KHDRBS2: variants seen among roughly 807,000 people sequenced by gnomAD.
KHDRBS2 encodes KH domain-containing, RNA-binding, signal transduction-associated protein 2.
A neutral mutation model predicts 44.3 loss-of-function variants in KHDRBS2; 26 were observed. The ratio of observed to expected loss-of-function variants is 0.59; its 90% CI spans 0.43 to 0.81. The LOEUF is 0.81. Among genes scored for constraint, KHDRBS2 ranks in the 40% least tolerant of loss-of-function variants. The pLI, the probability that KHDRBS2 is intolerant of heterozygous loss-of-function variation, is 0.00. For missense variants in KHDRBS2, 476 were observed against 433.1 expected, an observed-to-expected ratio of 1.10 and a Z score of -0.88; for synonymous variants, 194 against 151.1, an observed-to-expected ratio of 1.28 and a Z score of -2.08.
the KHDRBS2 span, among the ~76,000 whole-genome samples, chr6:61,563,293 T>C: frequency 6.6e-6 from 1 of 152,132 alleles, no homozygotes. Flanking sequence ...TATGCAAATA[T>C]GAGGTCCTTG....
chr6:62,126,824 T>A (rs1220160470), intron 2 of KHDRBS2, among the ~76,000 whole-genome samples: 3 of 152,230 alleles, frequency 2.0e-5, no homozygotes, highest in African/African-American at 7.2e-5. Context: ...AATAGTTATT[T>A]ATTCAGAAAG....
intron 7 of KHDRBS2, among the ~76,000 whole-genome samples, chr6:61,711,781 T>G (rs189160094): frequency 6.6e-6 from 1 of 151,772 alleles, no homozygotes; most frequent in East Asian, 1.9e-4. Flanking sequence ...AGATATTTGG[T>G]GAAATGGGAA....
At chr6:61,993,730 T>A (rs1445931443) in intron 3 of KHDRBS2, among the ~76,000 whole-genome samples, 3 of 145,958 alleles carry the variant, frequency 2.1e-5, no homozygotes, top group Admixed American at 7.1e-5. Context: ...GTGCTAACAT[T>A]GCTATAGCTC....
intron 2 of KHDRBS2, among the ~76,000 whole-genome samples, chr6:62,099,668 T>C (rs181298278): frequency 4.9e-4 from 74 of 152,266 alleles, no homozygotes; most frequent in Admixed American, 2.5e-3. Context: ...TGCTGTCTCC[T>C]TCACTCAAGC....
At chr6:62,056,374 C>A (rs1002493599) in intron 2 of KHDRBS2, among the ~76,000 whole-genome samples, 1 of 151,902 alleles carries the variant, frequency 6.6e-6, no homozygotes, top group African/African-American at 2.4e-5. Context: ...ACTATGAACA[C>A]ATGCCTATGT....
chr6:61,980,689 T>C (rs1395373482), intron 3 of KHDRBS2, among the ~76,000 whole-genome samples: 2 of 152,144 alleles, frequency 1.3e-5, no homozygotes, highest in East Asian at 3.9e-4. Flanking sequence ...AATTTCCAAA[T>C]TCCTACCACT....
intron 6 of KHDRBS2, among the ~76,000 whole-genome samples, chr6:61,773,549 T>A (rs939132939): frequency 6.6e-6 from 1 of 150,970 alleles, no homozygotes; most frequent in Admixed American, 6.6e-5. Flanking sequence ...ATTAGCCCTT[T>A]GTCAGAAGAG....
intron 4 of KHDRBS2, among the ~76,000 whole-genome samples, chr6:61,955,185 C>T (rs114780804): frequency 0.03 from 4,241 of 140,860 alleles, 220 homozygotes; most frequent in African/African-American, 0.1. Flanking sequence ...TATACACATA[C>T]GTTTGTATGT....
At chr6:61,969,679 A>C (rs796648171) in intron 4 of KHDRBS2, among the ~76,000 whole-genome samples, 8 of 152,170 alleles carry the variant, frequency 5.3e-5, no homozygotes, top group African/African-American at 1.9e-4. Flanking sequence ...ACAGAAGAGG[A>C]TTAAAATGTA....
the KHDRBS2 span, among the ~76,000 whole-genome samples, chr6:61,560,645 A>G: frequency 0.21 from 32,186 of 152,030 alleles, 3,680 homozygotes; most frequent in East Asian, 0.29. Context: ...AGATCAAGAA[A>G]TTCTGCTTGA....
intron 3 of KHDRBS2, among the ~76,000 whole-genome samples, chr6:61,981,023 C>T (rs182936526): frequency 1.1e-4 from 16 of 152,218 alleles, no homozygotes; most frequent in South Asian, 8.3e-4. Context: ...ATACATATAG[C>T]TTTTCCCCCA....
At chr6:61,925,343 G>T (rs1808756210) in intron 4 of KHDRBS2, among the ~76,000 whole-genome samples, 1 of 152,158 alleles carries the variant, frequency 6.6e-6, no homozygotes, top group Non-Finnish European at 1.5e-5. Context: ...GAGATGTAGA[G>T]ATGTTAAGGA....
chr6:61,944,948 G>A (rs368843444), intron 4 of KHDRBS2, among the ~76,000 whole-genome samples: 9 of 150,718 alleles, frequency 6.0e-5, no homozygotes, highest in East Asian at 3.9e-4. Flanking sequence ...AAAATAAGCC[G>A]GGTGTGGTGA....
the KHDRBS2 span, among the ~76,000 whole-genome samples, chr6:61,557,593 T>C: frequency 1.3e-5 from 2 of 152,216 alleles, no homozygotes; most frequent in Non-Finnish European, 2.9e-5. Flanking sequence ...TGTAGTTTTC[T>C]TTTTTTGATG....
intron 3 of KHDRBS2, among the ~76,000 whole-genome samples, chr6:62,005,380 C>A (rs574280498): frequency 1.4e-4 from 21 of 151,892 alleles, no homozygotes; most frequent in Middle Eastern, 6.8e-3. Flanking sequence ...GAAGCCACTG[C>A]AACACTCTCC....
chr6:61,604,351 T>C, the KHDRBS2 span, among the ~76,000 whole-genome samples: 12 of 152,142 alleles, frequency 7.9e-5, no homozygotes, highest in Non-Finnish European at 1.0e-4. Context: ...GAAAAGCAAC[T>C]AGTATTCCAA....
chr6:61,712,652 T>C (rs1356765772), intron 7 of KHDRBS2, among the ~76,000 whole-genome samples: 2 of 152,006 alleles, frequency 1.3e-5, no homozygotes, highest in South Asian at 2.1e-4. Context: ...TTTTGAATCC[T>C]AGTTTCTTTA....
chr6:61,996,881 T>C (rs1442949782), intron 3 of KHDRBS2, among the ~76,000 whole-genome samples: 6 of 150,970 alleles, frequency 4.0e-5, no homozygotes, highest in Admixed American at 4.0e-4. Flanking sequence ...CGCCCGAGTT[T>C]AAGCAATTCT....
intron 6 of KHDRBS2, among the ~76,000 whole-genome samples, chr6:61,811,189 T>C (rs1431992018): frequency 6.6e-6 from 1 of 152,140 alleles, no homozygotes; most frequent in Non-Finnish European, 1.5e-5. Flanking sequence ...CTTTCACTTA[T>C]AAGTGAGGAC....
Sources: allele counts gnomAD v4.1 joint callset (sites outside exome capture counted in the v4.1 genomes callset), GRCh38; gene constraint gnomAD v4.1.1; transcripts MANE v1.5; gene names NCBI Gene and HGNC (gene_info 2026-07-23, HGNC 2026-07-21).